DNAJC16: variants seen among roughly 807,000 people sequenced by gnomAD.
The protein encoded by DNAJC16 is dnaJ homolog subfamily C member 16.
Under a neutral mutation model 92.7 loss-of-function variants are expected in DNAJC16, and 76 were observed. That is an observed-to-expected ratio of 0.82 (90% CI 0.68 to 0.99). The LOEUF is 0.99. Ranked by LOEUF, DNAJC16 falls within the 50% of genes least tolerant of loss-of-function variation. The probability of loss-of-function intolerance (pLI) is 0.00; values close to 1 mark genes in which losing one functional copy is unlikely to be tolerated. For missense variants in DNAJC16, 869 were observed against 942.4 expected (o/e 0.92, Z 1.02); for synonymous variants, 328 against 358.7 (o/e 0.91, Z 0.97).
At chr1:15,544,726 A>G in intron 5 of DNAJC16, 143 bp downstream of exon 5, 1 of 767,924 alleles carries the variant, frequency 1.3e-6, no homozygotes, top group Non-Finnish European at 2.0e-6. Context: ...TTAATTAATT[A>G]CTCAAACTAA....
intron 3 of DNAJC16, among the ~76,000 whole-genome samples, chr1:15,535,089 AAC>A (rs1710749309): frequency 6.6e-6 from 1 of 152,244 alleles, no homozygotes; most frequent in South Asian, 2.1e-4. Flanking sequence ...CTCATAGAAT[AAC>A]ACGTCATCAT....
At chr1:15,563,160 C>CA (rs112546175) in intron 9 of DNAJC16, among the ~76,000 whole-genome samples, 1,737 of 152,092 alleles carry the variant, frequency 0.011, 36 homozygotes, top group African/African-American at 0.039. Flanking sequence ...AATATTAAGT[C>CA]AAGGTTATAG....
chr1:15,567,391 G>A lies in DNAJC16; in HGVS notation c.1949+122G>A, dbSNP rs528129364. On this transcript the variant is annotated intron_variant, in intron 14 of 14. Coordinates refer to ENST00000375847, the MANE Select transcript of DNAJC16 (RefSeq NM_015291.4). ...TCATCCATACAGCAAGATGCTGGCT[G>A]TGACCTTTCCAATCCAGACATCTGA... The A allele has an allele frequency of 3.8e-6, 4 of 1,041,578 alleles. No individual in the cohort carries two copies. The South Asian group carries it at 6.2e-5, about 16-fold the overall frequency. The allele number at this position is 1,041,578 out of a possible 1,614,324, so 64.5% of individuals were successfully genotyped here. A position where few individuals can be genotyped will look rare whatever the true frequency, so the allele number is the denominator to read the frequency against.
chr1:15,528,681 A>G (rs887589167), intron 1 of DNAJC16, among the ~76,000 whole-genome samples: 2 of 152,228 alleles, frequency 1.3e-5, no homozygotes, highest in Non-Finnish European at 2.9e-5. Flanking sequence ...CATGTACTCA[A>G]TGAAGTATTC....
intron 4 of DNAJC16, among the ~76,000 whole-genome samples, chr1:15,538,744 T>C (rs542829131): frequency 6.6e-6 from 1 of 152,168 alleles, no homozygotes; most frequent in Non-Finnish European, 1.5e-5. Context: ...CTAATTCCTA[T>C]CTTTTAAGGA....
intron 7 of DNAJC16, among the ~76,000 whole-genome samples, chr1:15,552,488 CA>C (rs985405995): frequency 3.4e-4 from 48 of 142,964 alleles, no homozygotes; most frequent in African/African-American, 6.4e-4. Flanking sequence ...GACTTCATCT[CA>C]AAAAAAAAAA....
chr1:15,534,163 T>G, intron 2 of DNAJC16, 74 bp from the exon 3 acceptor site: 1 of 1,519,350 alleles, frequency 6.6e-7, no homozygotes, highest in Non-Finnish European at 9.1e-7. Context: ...TAGTGAACTC[T>G]GTGGACAAGG....
At chr1:15,543,654 A>G (rs1013449366) in intron 4 of DNAJC16, among the ~76,000 whole-genome samples, 1 of 152,182 alleles carries the variant, frequency 6.6e-6, no homozygotes, top group Admixed American at 6.5e-5. Flanking sequence ...GACAGGGAGA[A>G]ATAGGGGGAG....
chr1:15,528,141 A>G (rs1269053935), intron 1 of DNAJC16, among the ~76,000 whole-genome samples: 1 of 152,240 alleles, frequency 6.6e-6, no homozygotes, highest in Non-Finnish European at 1.5e-5. Context: ...TCCATTAATA[A>G]TGACCATATT....
At position 15,564,343 on chromosome 1, in the gene DNAJC16, AT is replaced by A; in HGVS notation, c.1587del (p.His530ThrfsTer7). 1 of 1,604,960 alleles carries A rather than the reference AT, an allele frequency of 6.2e-7. No individual in the cohort carries two copies. The highest frequency in any genetic ancestry group is 1.1e-5 in the South Asian group (1 of 90,864). ...CTACATCTCAGACTGCTGGGATAGCATTTTTCACAACAACTGGTAGGGATAT... is the reference window on the plus strand; with the variant it reads ...CTACATCTCAGACTGCTGGGATAGCATTTTCACAACAACTGGTAGGGATAT... ...SDYISDCWDS[I>X]FHNNWREMMP... On this transcript the variant is annotated frameshift_variant, in exon 11 of 15. Coordinates refer to ENST00000375847, the MANE Select transcript of DNAJC16 (RefSeq NM_015291.4). LOFTEE classifies it high-confidence loss of function.
chr1:15,529,375 C>G (rs1203051295), intron 2 of DNAJC16, 103 bp downstream of exon 2: 2 of 1,173,516 alleles, frequency 1.7e-6, no homozygotes, highest in Non-Finnish European at 2.3e-6. Context: ...TTTCTATGTT[C>G]AATATATATA....
chr1:15,529,680 T>C (rs969080552), intron 2 of DNAJC16, among the ~76,000 whole-genome samples: 1 of 152,124 alleles, frequency 6.6e-6, no homozygotes, highest in African/African-American at 2.4e-5. Flanking sequence ...CTCTAAATTA[T>C]TAATTTCTAC....
At chr1:15,558,736 A>G (rs1638625812) in intron 7 of DNAJC16, among the ~76,000 whole-genome samples, 1 of 152,200 alleles carries the variant, frequency 6.6e-6, no homozygotes, top group South Asian at 2.1e-4. Flanking sequence ...CCTGCTGTCA[A>G]TGATTTCAAT....
Position 15,571,031 on chromosome 1 carries a change from T to G in DNAJC16, c.*2854T>G, listed in dbSNP as rs1269746373. On this transcript the variant is annotated 3_prime_UTR_variant, in exon 15 of 15. Transcript: ENST00000375847. ...CAATTTCCAAAAAAAAAAAAAAATT[T>G]GTTGCTCAGGTGTTGCACAATTTTT... The G allele has an allele frequency of 1.3e-5, 2 of 152,082 alleles. No homozygotes were observed. The highest frequency in any genetic ancestry group is 4.8e-5 in the African/African-American group (2 of 41,424). 9.4% of individuals were successfully genotyped at this position (152,082 alleles called of 1,614,324 possible). A position where few individuals can be genotyped will look rare whatever the true frequency, so the allele number is the denominator to read the frequency against.
chr1:15,551,787 A>AC (rs1557581040), intron 7 of DNAJC16, among the ~76,000 whole-genome samples: 1 of 151,284 alleles, frequency 6.6e-6, no homozygotes, highest in African/African-American at 2.4e-5. Context: ...TTTTTAAAAA[A>AC]TTTTTTTTGC....
chr1:15,552,877 T>G (rs1294204755), intron 7 of DNAJC16, among the ~76,000 whole-genome samples: 1 of 149,668 alleles, frequency 6.7e-6, no homozygotes. Flanking sequence ...AAGTGATTCT[T>G]GTGCCTCAGC....
At chr1:15,547,074 G>C (rs368485112) in intron 6 of DNAJC16, among the ~76,000 whole-genome samples, 1 of 151,608 alleles carries the variant, frequency 6.6e-6, no homozygotes, top group Non-Finnish European at 1.5e-5. Context: ...GCCAGTTACT[G>C]TGTTAGTGCT....
rs1638235662 is a variant in DNAJC16, at chr1:15,544,393, T to C, written c.575-6T>C. The C allele has an allele frequency of 6.2e-7, 1 of 1,604,132 alleles. No individual in the cohort carries two copies. ...AGGCTTCATTTGGATCTTCCATTCT[T>C]TTCAGGTGTAGGAATTGGCGTGGTC... On this transcript the variant is annotated splice_polypyrimidine_tract_variant and splice_region_variant and intron_variant, in intron 4 of 14. Coordinates refer to ENST00000375847, the MANE Select transcript of DNAJC16 (RefSeq NM_015291.4).
At chr1:15,551,450 A>G (rs1021240431) in intron 7 of DNAJC16, among the ~76,000 whole-genome samples, 3 of 152,184 alleles carry the variant, frequency 2.0e-5, no homozygotes, top group African/African-American at 7.2e-5. Context: ...AGATGAAGTG[A>G]TGTGGCACTT....
Sources: allele counts gnomAD v4.1 joint callset (sites outside exome capture counted in the v4.1 genomes callset), GRCh38; gene constraint gnomAD v4.1.1; transcripts MANE v1.5; gene names NCBI Gene and HGNC (gene_info 2026-07-23, HGNC 2026-07-21).